The following MTR variants were observed in gnomAD, a reference collection of about 807,000 sequenced individuals.
The protein encoded by MTR is 5-methyltetrahydrofolate-homocysteine methyltransferase, also known as methionine synthase.
In MTR, 84 loss-of-function variants were observed where a neutral mutation model predicts 154.8. That is an observed-to-expected ratio of 0.54 (90% CI 0.45 to 0.65). MTR has a LOEUF of 0.65. MTR is among the 30% of genes least tolerant of loss of function. MTR has a pLI of 0.00. For missense variants in MTR, 1,275 were observed against 1,570.2 expected (o/e 0.81, Z 3.18); for synonymous variants, 554 against 553.9 (o/e 1.00, Z 0.00).
intron 22 of MTR, among the ~76,000 whole-genome samples, chr1:236,872,003 GTTAT>G (rs1665162090): frequency 4.6e-5 from 7 of 151,938 alleles, no homozygotes; most frequent in Admixed American, 4.6e-4. Context: ...TTTTGTTCTT[GTTAT>G]TTAAACGTTT....
At chr1:236,883,685 G>C (rs1045648841) in intron 25 of MTR, among the ~76,000 whole-genome samples, 1 of 152,094 alleles carries the variant, frequency 6.6e-6, no homozygotes, top group Non-Finnish European at 1.5e-5. Flanking sequence ...ACACTATTTA[G>C]GAACCTATTT....
intron 22 of MTR, among the ~76,000 whole-genome samples, chr1:236,867,653 G>A (rs1171433110): frequency 6.6e-6 from 1 of 152,172 alleles, no homozygotes; most frequent in Non-Finnish European, 1.5e-5. Context: ...ATGCCATTAA[G>A]AACATTTGTA....
At chr1:236,842,784 G>GTGTATATA (rs113857806) in intron 15 of MTR, among the ~76,000 whole-genome samples, 46 of 144,494 alleles carry the variant, frequency 3.2e-4, no homozygotes, top group African/African-American at 1.0e-3. Context: ...AAAAAAAGAT[G>GTGTATATA]TATATATATA....
At chr1:236,885,047 G>A in intron 25 of MTR, 74 bp from the exon 26 acceptor site, 3 of 898,316 alleles carry the variant, frequency 3.3e-6, no homozygotes, top group East Asian at 4.9e-5. Context: ...CCTGAAGGAG[G>A]TGTTATCAGC....
At chr1:236,879,169 A>G (rs561450789) in intron 24 of MTR, among the ~76,000 whole-genome samples, 126 of 152,364 alleles carry the variant, frequency 8.3e-4, no homozygotes, top group South Asian at 4.1e-3. Context: ...GACCATGTCA[A>G]ACAATTCAGA....
chr1:236,824,691 G>T (rs1477381504), intron 9 of MTR, among the ~76,000 whole-genome samples: 1 of 152,184 alleles, frequency 6.6e-6, no homozygotes, highest in Admixed American at 6.5e-5. Flanking sequence ...TTAAATATTG[G>T]TAATTTGTTC....
intron 13 of MTR, among the ~76,000 whole-genome samples, chr1:236,834,074 T>C (rs927481264): frequency 6.6e-6 from 1 of 152,344 alleles, no homozygotes; most frequent in African/African-American, 2.4e-5. Flanking sequence ...CATCTAGATA[T>C]AAACCCTTCA....
intron 22 of MTR, among the ~76,000 whole-genome samples, chr1:236,871,937 C>T (rs549868256): frequency 2.0e-5 from 3 of 152,220 alleles, no homozygotes; most frequent in South Asian, 2.1e-4. Context: ...CCTGCCCCAG[C>T]GTTCAGCACC....
intron 24 of MTR, among the ~76,000 whole-genome samples, chr1:236,878,872 C>T (rs543405285): frequency 1.2e-4 from 18 of 152,352 alleles, no homozygotes; most frequent in African/African-American, 4.3e-4. Flanking sequence ...CCACTCTGTA[C>T]CCCAGCCTTC....
intron 4 of MTR, 110 bp downstream of exon 4, chr1:236,808,883 A>G: frequency 1.1e-6 from 1 of 919,224 alleles, no homozygotes. Context: ...GCTTACGAGT[A>G]ACACTGCAGA....
chr1:236,800,201 G>A (rs1222844320), intron 1 of MTR: 2 of 985,430 alleles, frequency 2.0e-6, no homozygotes, highest in Non-Finnish European at 2.4e-6. Context: ...AGAAGGACAT[G>A]TAAATAATAG....
At chr1:236,875,028 TGC>T (rs879149249) in intron 24 of MTR, among the ~76,000 whole-genome samples, 182 bp downstream of exon 24, 1 of 152,374 alleles carries the variant, frequency 6.6e-6, no homozygotes, top group South Asian at 2.1e-4. Flanking sequence ...TTTCAGAGCA[TGC>T]TATAGAAAAC....
chr1:236,863,216 G>C (rs1393492973), intron 21 of MTR, among the ~76,000 whole-genome samples: 2 of 152,246 alleles, frequency 1.3e-5, no homozygotes, highest in East Asian at 3.8e-4. Context: ...TGTTTTGTGT[G>C]TGAACATCAA....
intron 19 of MTR, among the ~76,000 whole-genome samples, chr1:236,860,781 T>G (rs1664490037): frequency 6.6e-6 from 1 of 152,246 alleles, no homozygotes; most frequent in African/African-American, 2.4e-5. Flanking sequence ...AAAGCATTTT[T>G]TAATTGGCAT....
At chr1:236,871,350 C>G (rs925355109) in intron 22 of MTR, among the ~76,000 whole-genome samples, 18 of 152,292 alleles carry the variant, frequency 1.2e-4, no homozygotes, top group African/African-American at 4.3e-4. Flanking sequence ...TTCTCCGTTT[C>G]TGTTCCAGCC....
At position 236,799,343 on chromosome 1, in the gene MTR, C is replaced by T. The variant is rs191564253; in HGVS notation, c.34+3606C>T. On this transcript the variant is annotated intron_variant, in intron 1 of 32. Transcript: ENST00000366577. Reference sequence around the variant, plus strand: ...GCCACTGTGTTGCCCAGGCTGTTTTCGAACTCGTGGACTCAGTGATCCACC... The same window carrying T: ...GCCACTGTGTTGCCCAGGCTGTTTTTGAACTCGTGGACTCAGTGATCCACC... Among the ~76,000 whole-genome samples the T allele has an allele frequency of 2.7e-4, 41 of 149,616 alleles. No homozygotes were observed. In the East Asian group the frequency reaches 7.9e-3, roughly 29 times the overall value.
intron 27 of MTR, among the ~76,000 whole-genome samples, chr1:236,887,793 G>T (rs1242889021): frequency 6.6e-6 from 1 of 152,242 alleles, no homozygotes; most frequent in Admixed American, 6.5e-5. Flanking sequence ...GAATAAAAGA[G>T]GGTTTTCTTT....
intron 18 of MTR, 56 bp downstream of exon 18, chr1:236,853,144 C>A: frequency 6.5e-7 from 1 of 1,548,006 alleles, no homozygotes; most frequent in Non-Finnish European, 8.9e-7. Flanking sequence ...ATGTATTACT[C>A]ACCTACAGTT....
chr1:236,856,396 TC>T (rs1664203379), intron 18 of MTR, among the ~76,000 whole-genome samples: 2 of 152,114 alleles, frequency 1.3e-5, no homozygotes, highest in African/African-American at 4.8e-5. Flanking sequence ...GTATTATTAT[TC>T]CAGTTACCAC....
Sources: gnomAD v4.1 joint callset for allele counts (sites outside exome capture counted in the v4.1 genomes callset) on GRCh38, gnomAD v4.1.1 for gene constraint, MANE v1.5 for transcripts, NCBI Gene and HGNC (gene_info 2026-07-23, HGNC 2026-07-21) for gene names.